CNNM2: variants seen among roughly 807,000 people sequenced by gnomAD.
CNNM2 encodes the protein metal transporter CNNM2.
CNNM2 carries 12 observed loss-of-function variants against 66.9 expected under a neutral mutation model. That is an observed-to-expected ratio of 0.18 (90% confidence interval 0.11 to 0.29). The LOEUF (loss-of-function observed/expected upper bound fraction) is 0.29, where lower values mean the gene tolerates loss of function less well. CNNM2 is among the 10% of genes least tolerant of loss of function. CNNM2 has a pLI of 1.00. For synonymous variants in CNNM2, 557 were observed against 501.8 expected (o/e 1.11, Z -1.47); for missense variants, 705 against 1,167.7 (o/e 0.60, Z 5.77).
chr10:103,062,084 A>G (rs2065395975), intron 4 of CNNM2, among the ~76,000 whole-genome samples: 1 of 152,246 alleles, frequency 6.6e-6, no homozygotes, highest in Admixed American at 6.5e-5. Flanking sequence ...TAGCAAATCT[A>G]TTAACTATAA....
At chr10:102,976,425 C>CTTTTTTTTTTTTTTT (rs1206577839) in intron 1 of CNNM2, among the ~76,000 whole-genome samples, 3 of 34,720 alleles carry the variant, frequency 8.6e-5, no homozygotes, top group Non-Finnish European at 1.5e-4. Flanking sequence ...CAATTCTTGC[C>CTTTTTTTTTTTTTTT]TTTTTTTTTT....
At chr10:103,018,149 G>A (rs1020126691) in intron 1 of CNNM2, among the ~76,000 whole-genome samples, 5 of 151,980 alleles carry the variant, frequency 3.3e-5, no homozygotes, top group African/African-American at 9.7e-5. Context: ...GAGAGCAAGG[G>A]TGAGACAAAG....
chr10:103,000,236 C>G (rs1470733424), intron 1 of CNNM2, among the ~76,000 whole-genome samples: 1 of 140,256 alleles, frequency 7.1e-6, no homozygotes, highest in East Asian at 2.1e-4. Context: ...AACTCCGTCT[C>G]AAAAACAAAT....
chr10:103,035,600 T>C (rs2134308897), intron 1 of CNNM2, among the ~76,000 whole-genome samples: 1 of 152,368 alleles, frequency 6.6e-6, no homozygotes, highest in South Asian at 2.1e-4. Context: ...GTCATTTGGA[T>C]GGGCCATTAA....
chr10:103,033,473 C>T (rs968525629), intron 1 of CNNM2, among the ~76,000 whole-genome samples: 4 of 151,724 alleles, frequency 2.6e-5, no homozygotes, highest in African/African-American at 9.7e-5. Flanking sequence ...TACAAATAGG[C>T]GTGAGCCACC....
chr10:103,037,211 T>A (rs1040853628), intron 1 of CNNM2, among the ~76,000 whole-genome samples: 3 of 150,200 alleles, frequency 2.0e-5, no homozygotes, highest in Admixed American at 2.0e-4. Context: ...AGTAGACATC[T>A]ATATATATTT....
At chr10:103,072,528 C>T (rs888876310) in intron 6 of CNNM2, among the ~76,000 whole-genome samples, 1 of 151,342 alleles carries the variant, frequency 6.6e-6, no homozygotes, top group Non-Finnish European at 1.5e-5. Flanking sequence ...ACCAGGCAGG[C>T]GACCCCGCTT....
In CNNM2 at chr10:102,945,485, G is replaced by A. The variant is rs190513679; in HGVS notation, c.1621+25384G>A. ...AAGCATATATTATGTTTTCTTTTGC[G>A]TACATTCCTTTATTCATTTATTCAA... On this transcript the variant is annotated intron_variant, in intron 1 of 7. Transcript: ENST00000369878. 4.5e-3 allele frequency among the ~76,000 whole-genome samples: 679 copies of A among 152,122 alleles called. 4 individuals are homozygous for A. Among genetic ancestry groups the A allele is most frequent in the Middle Eastern group, 0.017 (5 of 294 alleles).
At chr10:102,951,975 G>A (rs1846853419) in intron 1 of CNNM2, among the ~76,000 whole-genome samples, 1 of 151,866 alleles carries the variant, frequency 6.6e-6, no homozygotes, top group Admixed American at 6.5e-5. Flanking sequence ...GGCTAATTTT[G>A]TATTTTTAGT....
intron 4 of CNNM2, among the ~76,000 whole-genome samples, chr10:103,059,176 G>T (rs2065342678): frequency 6.6e-6 from 1 of 152,136 alleles, no homozygotes; most frequent in African/African-American, 2.4e-5. Context: ...GTTTCACCTT[G>T]TTGGCCAGGC....
In CNNM2 at chr10:103,090,034, A is replaced by G. The variant is rs1249608028; in HGVS notation, c.*12854A>G. Reference sequence around the variant, plus strand: ...TCTATAATGGACCACAGGACAAGTCAATATAGACTTATCTTCATAGAACTA... The same window carrying G: ...TCTATAATGGACCACAGGACAAGTCGATATAGACTTATCTTCATAGAACTA... On this transcript the variant is annotated 3_prime_UTR_variant, in exon 8 of 8. Coordinates refer to ENST00000369878, the MANE Select transcript of CNNM2 (RefSeq NM_017649.5). The G allele has an allele frequency of 6.3e-6, 4 of 633,808 alleles. No individual in the cohort carries two copies. The highest frequency in any genetic ancestry group is 1.0e-5 in the Non-Finnish European group (4 of 389,870). 39.3% of individuals were successfully genotyped at this position (633,808 alleles called of 1,614,324 possible). A position where few individuals can be genotyped will look rare whatever the true frequency, so the allele number is the denominator to read the frequency against.
chr10:102,996,300 G>A (rs1216943108), intron 1 of CNNM2, among the ~76,000 whole-genome samples: 1 of 151,094 alleles, frequency 6.6e-6, no homozygotes, highest in Non-Finnish European at 1.5e-5. Flanking sequence ...TTTTTATTTG[G>A]CCATCCCTCT....
chr10:102,965,009 C>T (rs372729098), intron 1 of CNNM2, among the ~76,000 whole-genome samples: 14 of 152,308 alleles, frequency 9.2e-5, no homozygotes, highest in African/African-American at 3.1e-4. Context: ...TTCCTCCCCT[C>T]CAGAGGATGC....
chr10:103,032,264 A>G (rs1442769761), intron 1 of CNNM2, among the ~76,000 whole-genome samples: 4 of 152,182 alleles, frequency 2.6e-5, no homozygotes, highest in Non-Finnish European at 4.4e-5. Context: ...AGCCTGGCCA[A>G]CATGGTGAAA....
intron 1 of CNNM2, among the ~76,000 whole-genome samples, chr10:103,044,686 T>C (rs2134322355): frequency 6.6e-6 from 1 of 152,240 alleles, no homozygotes; most frequent in African/African-American, 2.4e-5. Context: ...AGGAGAGAGG[T>C]GTCATTGTTT....
Position 103,080,667 on chromosome 10 carries a change from A to T in CNNM2, c.*3487A>T, listed in dbSNP as rs1234367280. On this transcript the variant is annotated 3_prime_UTR_variant, in exon 8 of 8. Transcript: ENST00000369878. The stretch of plus-strand genomic sequence containing the variant: ...GTGCAAATGTTGAATGCAGAGCTTC[A>T]CACTAATACGGAACAGTAACTGTGA... 6.6e-6 allele frequency: 1 copy of T among 152,198 alleles called. No homozygotes were observed. The allele number at this position is 152,198 out of a possible 1,614,324, so 9.4% of individuals were successfully genotyped here.
intron 1 of CNNM2, among the ~76,000 whole-genome samples, chr10:102,921,364 C>G (rs539189552): frequency 6.6e-6 from 1 of 152,162 alleles, no homozygotes; most frequent in Non-Finnish European, 1.5e-5. Flanking sequence ...GGTGACAGCT[C>G]ACTGGATGTG....
intron 4 of CNNM2, among the ~76,000 whole-genome samples, chr10:103,059,763 C>G (rs1007061633): frequency 2.6e-5 from 4 of 151,924 alleles, no homozygotes; most frequent in African/African-American, 9.7e-5. Context: ...AAAAAAAAGT[C>G]ATAGTTTTAA....
chr10:102,937,218 CTTTT>C (rs2134173711), intron 1 of CNNM2, among the ~76,000 whole-genome samples: 1 of 150,708 alleles, frequency 6.6e-6, no homozygotes, highest in East Asian at 2.1e-4. Flanking sequence ...TGGAATGAAA[CTTTT>C]TTATACTTAC....
Sources: allele counts gnomAD v4.1 joint callset (sites outside exome capture counted in the v4.1 genomes callset), GRCh38; gene constraint gnomAD v4.1.1; transcripts MANE v1.5; gene names NCBI Gene and HGNC (gene_info 2026-07-23, HGNC 2026-07-21).